SNAP91: variants seen among roughly 807,000 people sequenced by gnomAD.
SNAP91 encodes the protein clathrin coat assembly protein AP180.
In SNAP91, 27 loss-of-function variants were observed where a neutral mutation model predicts 100.3. The ratio of observed to expected loss-of-function variants is 0.27; its 90% CI spans 0.20 to 0.37. The LOEUF (loss-of-function observed/expected upper bound fraction) is 0.37. SNAP91 is among the 10% of genes least tolerant of loss of function. SNAP91 has a pLI of 1.00. For synonymous variants in SNAP91, 404 were observed against 398.6 expected, an observed-to-expected ratio of 1.01 and a Z score of -0.16; for missense variants, 986 against 1,123.7, an observed-to-expected ratio of 0.88 and a Z score of 1.75.
At chr6:83,705,909 G>A (rs1168506071) in intron 2 of SNAP91, among the ~76,000 whole-genome samples, 1 of 152,034 alleles carries the variant, frequency 6.6e-6, no homozygotes, top group Non-Finnish European at 1.5e-5. Flanking sequence ...TATAGTAACT[G>A]CTCAATAAAT....
chr6:83,647,635 T>G (rs2128614799), intron 7 of SNAP91, among the ~76,000 whole-genome samples: 1 of 152,294 alleles, frequency 6.6e-6, no homozygotes, highest in Middle Eastern at 3.4e-3. Context: ...GATATTGGTC[T>G]GTAATTTCCT....
Position 83,623,310 on chromosome 6 carries a change from G to T in SNAP91, c.798C>A (p.Asp266Glu). ...QVGIDKGDIP[D>E]LTQAPSSLME... ...TGGGAGAGTTGCTTACCTGTGTGAG[G>T]TCAGGAATGTCACCTTTATCAATAC... The change falls in exon 9 of 30, where the codon GAC becomes GAA. Residue 266 changes from aspartate (D) to glutamate (E), a missense_variant. Around this residue, in one of 4 missense-constraint regions of SNAP91, gnomAD observed 330 missense variants for 447.5 expected, o/e 0.74. Transcript: ENST00000369694. 1 of 1,607,756 alleles carries T rather than the reference G, an allele frequency of 6.2e-7. No homozygotes were observed. The highest frequency in any genetic ancestry group is 8.5e-7 in the Non-Finnish European group (1 of 1,176,208).
intron 8 of SNAP91, among the ~76,000 whole-genome samples, chr6:83,640,874 A>C (rs2097668931): frequency 6.6e-6 from 1 of 152,136 alleles, no homozygotes; most frequent in African/African-American, 2.4e-5. Flanking sequence ...TTGAATGCAG[A>C]ATGATCATCT....
At chr6:83,613,199 C>CTTACCACA (rs1415852832) in intron 11 of SNAP91, among the ~76,000 whole-genome samples, 2 of 152,128 alleles carry the variant, frequency 1.3e-5, no homozygotes, top group Non-Finnish European at 2.9e-5. Flanking sequence ...AGATATCCCA[C>CTTACCACA]TTACCACATT....
rs2099153583 is a variant in SNAP91, at chr6:83,693,196, A to T, written c.130+14602T>A. Among the ~76,000 whole-genome samples the T allele has an allele frequency of 2.6e-5, 4 of 152,210 alleles. No individual in the cohort carries two copies. In the South Asian group the frequency reaches 8.3e-4, roughly 31 times the overall value. On this transcript the variant is annotated intron_variant, in intron 2 of 29. Transcript: ENST00000369694. ...TGAAGAAATCCTGACTCCTCCCCTC[A>T]TTAGGCGTGGGACCTTGGATAAATT...
intron 5 of SNAP91, among the ~76,000 whole-genome samples, chr6:83,659,911 G>A (rs2098504686): frequency 6.6e-6 from 1 of 152,192 alleles, no homozygotes; most frequent in Admixed American, 6.5e-5. Context: ...TAAGAGTTTA[G>A]CTACAGAAGA....
chr6:83,617,067 CT>C (rs1327911880), intron 9 of SNAP91, 28 bp from the exon 10 acceptor site: 2 of 1,470,264 alleles, frequency 1.4e-6, no homozygotes, highest in Non-Finnish European at 1.8e-6. Flanking sequence ...AAATAAATGT[CT>C]GCATTGTTTA....
chr6:83,635,552 T>A (rs1378218584), intron 8 of SNAP91, among the ~76,000 whole-genome samples: 2 of 152,190 alleles, frequency 1.3e-5, no homozygotes, highest in East Asian at 3.8e-4. Flanking sequence ...TCTTTTTTCA[T>A]CCCTTTACTT....
At chr6:83,656,397 A>G (rs2098405728) in intron 7 of SNAP91, among the ~76,000 whole-genome samples, 1 of 152,210 alleles carries the variant, frequency 6.6e-6, no homozygotes, top group Non-Finnish European at 1.5e-5. Context: ...TATGCCTATC[A>G]TCACTGCTGA....
intron 12 of SNAP91, among the ~76,000 whole-genome samples, chr6:83,608,851 A>G (rs1450986177): frequency 6.6e-6 from 1 of 152,218 alleles, no homozygotes; most frequent in Non-Finnish European, 1.5e-5. Flanking sequence ...ACACATGAGC[A>G]GTGTGGATGT....
At chr6:83,614,121 T>C (rs1435915526) in intron 11 of SNAP91, among the ~76,000 whole-genome samples, 2 of 152,182 alleles carry the variant, frequency 1.3e-5, no homozygotes, top group Non-Finnish European at 2.9e-5. Flanking sequence ...TACATAATTT[T>C]GAGTATAAGT....
chr6:83,574,014 C>A (rs2016358), intron 26 of SNAP91, among the ~76,000 whole-genome samples: 60,859 of 152,050 alleles, frequency 0.4, 12,485 homozygotes, highest in South Asian at 0.5. Flanking sequence ...AGTGAACAGG[C>A]AACCTACAGA....
At chr6:83,575,964 G>T in intron 25 of SNAP91, 59 bp downstream of exon 25, 1 of 903,282 alleles carries the variant, frequency 1.1e-6, no homozygotes, top group Non-Finnish European at 1.7e-6. Flanking sequence ...ATGGTTGATA[G>T]TCTCAAATGA....
intron 11 of SNAP91, 69 bp from the exon 12 acceptor site, chr6:83,610,746 TAA>T (rs10586463): frequency 0.12 from 9,857 of 85,604 alleles, 1,570 homozygotes; most frequent in African/African-American, 0.24. Flanking sequence ...TATATATATA[TAA>T]ATATATATGT....
At chr6:83,599,913 T>C (rs1010379388) in intron 16 of SNAP91, among the ~76,000 whole-genome samples, 7 of 152,110 alleles carry the variant, frequency 4.6e-5, no homozygotes, top group African/African-American at 1.7e-4. Context: ...GCCTCCCAAG[T>C]AGCTTGGACT....
intron 2 of SNAP91, among the ~76,000 whole-genome samples, chr6:83,697,841 A>G (rs959363127): frequency 3.9e-5 from 6 of 152,168 alleles, no homozygotes; most frequent in African/African-American, 1.4e-4. Flanking sequence ...AATAAAAATC[A>G]TTCAATAAAT....
chr6:83,571,032 G>A (rs796659807), intron 26 of SNAP91, among the ~76,000 whole-genome samples: 5 of 152,146 alleles, frequency 3.3e-5, no homozygotes, highest in African/African-American at 9.6e-5. Context: ...ACACCAGCCT[G>A]TGAAAGCACC....
chr6:83,595,441 T>C (rs1056560799), intron 16 of SNAP91, among the ~76,000 whole-genome samples: 6 of 152,208 alleles, frequency 3.9e-5, no homozygotes, highest in African/African-American at 9.6e-5. Flanking sequence ...ATTTTACAAA[T>C]GGCTGATGTG....
intron 5 of SNAP91, 127 bp downstream of exon 5, chr6:83,661,375 T>C (rs1562553448): frequency 3.7e-6 from 2 of 547,576 alleles, no homozygotes; most frequent in Non-Finnish European, 6.5e-6. Flanking sequence ...ATTGAGTTCC[T>C]TTTTTTAGGT....
Sources: gnomAD v4.1 joint callset for allele counts (sites outside exome capture counted in the v4.1 genomes callset) on GRCh38, gnomAD v4.1.1 for gene constraint, gnomAD v4.1.1 regional missense constraint, MANE v1.5 for transcripts, NCBI Gene and HGNC (gene_info 2026-07-23, HGNC 2026-07-21) for gene names.